The following TTLL5 variants were observed in gnomAD, a reference collection of about 807,000 sequenced individuals.
TTLL5 encodes tubulin polyglutamylase TTLL5.
A neutral mutation model predicts 168.4 loss-of-function variants in TTLL5; 132 were observed. That is an observed-to-expected ratio of 0.78 (90% CI 0.68 to 0.91). The LOEUF (loss-of-function observed/expected upper bound fraction) is 0.91, where lower values mean the gene tolerates loss of function less well. TTLL5 is among the 40% of genes least tolerant of loss of function. The pLI is 0.00. For missense variants in TTLL5, 1,545 were observed against 1,581.5 expected (o/e 0.98, Z 0.39); for synonymous variants, 546 against 558.6 (o/e 0.98, Z 0.32).
intron 9 of TTLL5, among the ~76,000 whole-genome samples, chr14:75,716,299 C>G (rs575539144): frequency 6.6e-6 from 1 of 152,312 alleles, no homozygotes; most frequent in Admixed American, 6.5e-5. Context: ...TCATCAAACT[C>G]TTGTCTTTTA....
At chr14:75,709,311 T>TA in intron 9 of TTLL5, 1 of 695,622 alleles carries the variant, frequency 1.4e-6, no homozygotes, top group South Asian at 1.5e-5. Context: ...TTTAGAGACT[T>TA]AGTTTTTTTC....
chr14:75,775,461 TCCCAC>T lies in TTLL5; in HGVS notation c.2137-22_2137-18del. On this transcript the variant is annotated intron_variant, in intron 21 of 31. Coordinates refer to ENST00000298832, the MANE Select transcript of TTLL5 (RefSeq NM_015072.5). ...TAGCACCATCCCTCCTTTTTTTTTC[TCCCAC>T]GACTCTTTAATTTATAGGAGCTGGT... 2 of 1,611,274 alleles carry T rather than the reference TCCCAC, an allele frequency of 1.2e-6. No individual in the cohort carries two copies. Among genetic ancestry groups the T allele is most frequent in the Admixed American group, 1.7e-5 (1 of 59,664 alleles).
intron 31 of TTLL5, among the ~76,000 whole-genome samples, chr14:75,948,442 G>T (rs1013340429): frequency 2.0e-4 from 30 of 151,732 alleles, no homozygotes; most frequent in Admixed American, 2.6e-4. Flanking sequence ...CCAAGACCGC[G>T]CCATTGCACT....
Position 75,882,798 on chromosome 14 carries a change from A to AAGTTCTTGCGCCTC in TTLL5, c.3636_3637insAGTTCTTGCGCCTC (p.Gln1213SerfsTer48). ...GTGGCCAGAAGCCAACCACTCTGCC[A>AAGTTCTTGCGCCTC]CAAAAAGTGGTACCACCTCCAAGTT... On this transcript the variant is annotated frameshift_variant, in exon 30 of 32. Coordinates refer to ENST00000298832, the MANE Select transcript of TTLL5 (RefSeq NM_015072.5). LOFTEE classifies it high-confidence loss of function. The AAGTTCTTGCGCCTC allele has an allele frequency of 6.2e-7, 1 of 1,614,126 alleles. No individual in the cohort carries two copies. Among genetic ancestry groups the AAGTTCTTGCGCCTC allele is most frequent in the Non-Finnish European group, 8.5e-7 (1 of 1,180,010 alleles).
intron 3 of TTLL5, among the ~76,000 whole-genome samples, chr14:75,671,305 T>G (rs930196960): frequency 6.6e-6 from 1 of 152,196 alleles, no homozygotes; most frequent in African/African-American, 2.4e-5. Flanking sequence ...TACCGTACCT[T>G]TGTATTAAGT....
intron 31 of TTLL5, among the ~76,000 whole-genome samples, chr14:75,918,347 T>C (rs1037556393): frequency 3.3e-5 from 5 of 152,318 alleles, no homozygotes; most frequent in Middle Eastern, 3.4e-3. Flanking sequence ...ATACATCTAC[T>C]GGTTTCAATC....
chr14:75,688,283 G>A (rs1885213038), intron 5 of TTLL5, among the ~76,000 whole-genome samples: 1 of 152,118 alleles, frequency 6.6e-6, no homozygotes, highest in Admixed American at 6.5e-5. Flanking sequence ...AATCAATTAT[G>A]CCTGTGTAAT....
chr14:75,681,195 G>A (rs1003421259), intron 3 of TTLL5, among the ~76,000 whole-genome samples: 2 of 152,046 alleles, frequency 1.3e-5, no homozygotes, highest in African/African-American at 4.8e-5. Context: ...TTGATATTTT[G>A]AGATATACTG....
At chr14:75,672,126 C>T (rs7156117) in intron 3 of TTLL5, among the ~76,000 whole-genome samples, 2,397 of 152,304 alleles carry the variant, frequency 0.016, 82 homozygotes, top group African/African-American at 0.054. Context: ...GATATTTCCC[C>T]CTTCAGCCTG....
At chr14:75,938,512 G>A (rs1432260958) in intron 31 of TTLL5, among the ~76,000 whole-genome samples, 3 of 152,160 alleles carry the variant, frequency 2.0e-5, no homozygotes, top group East Asian at 1.9e-4. Flanking sequence ...ATAAAATTTT[G>A]TTAAATTGAA....
At chr14:75,717,717 AT>A (rs1887565219) in intron 9 of TTLL5, 143 bp from the exon 10 acceptor site, 1 of 668,890 alleles carries the variant, frequency 1.5e-6, no homozygotes, top group African/African-American at 1.8e-5. Flanking sequence ...AACACTTAGA[AT>A]GGGAGTTAGC....
chr14:75,826,512 TG>T (rs2140427796), intron 28 of TTLL5, among the ~76,000 whole-genome samples: 1 of 152,188 alleles, frequency 6.6e-6, no homozygotes, highest in East Asian at 1.9e-4. Flanking sequence ...AATTATTTAC[TG>T]GTCAAATAAT....
chr14:75,798,974 A>G (rs1893138541), intron 27 of TTLL5, among the ~76,000 whole-genome samples: 1 of 152,162 alleles, frequency 6.6e-6, no homozygotes, highest in Non-Finnish European at 1.5e-5. Context: ...AATATCCGTT[A>G]ACTCCATTTG....
At chr14:75,873,268 G>T (rs996364483) in intron 29 of TTLL5, among the ~76,000 whole-genome samples, 1 of 152,014 alleles carries the variant, frequency 6.6e-6, no homozygotes, top group Non-Finnish European at 1.5e-5. Context: ...TAGAGACGGG[G>T]TTTCACCGTG....
At chr14:75,947,850 C>T (rs965376469) in intron 31 of TTLL5, among the ~76,000 whole-genome samples, 4 of 151,834 alleles carry the variant, frequency 2.6e-5, no homozygotes, top group African/African-American at 9.7e-5. Context: ...CTGGCGCATC[C>T]CCATGCTTGA....
intron 31 of TTLL5, among the ~76,000 whole-genome samples, chr14:75,935,334 A>G (rs967263628): frequency 1.3e-5 from 2 of 152,198 alleles, no homozygotes; most frequent in African/African-American, 4.8e-5. Flanking sequence ...AGCTCTAAGG[A>G]GCTGTCAATA....
At chr14:75,879,896 C>G (rs2031709680) in intron 29 of TTLL5, among the ~76,000 whole-genome samples, 1 of 152,218 alleles carries the variant, frequency 6.6e-6, no homozygotes, top group Admixed American at 6.5e-5. Flanking sequence ...TTGATTTGTA[C>G]TCACAGATAA....
At position 75,704,160 on chromosome 14, in the gene TTLL5, C is replaced by A. The variant is rs560660084; in HGVS notation, c.586-2858C>A. Among the ~76,000 whole-genome samples, 8 of 152,296 alleles carry A rather than the reference C, an allele frequency of 5.3e-5. No individual in the cohort carries two copies. In the South Asian group the frequency reaches 1.7e-3, roughly 32 times the overall value. ...GTAACTCAGGTCCAGATGATTCCAG[C>A]ATAGACACTCTTAACCACTATATCA... On this transcript the variant is annotated intron_variant, in intron 7 of 31. Transcript: ENST00000298832.
At chr14:75,665,766 C>T (rs1310092795) in intron 2 of TTLL5, among the ~76,000 whole-genome samples, 1 of 152,090 alleles carries the variant, frequency 6.6e-6, no homozygotes, top group East Asian at 1.9e-4. Flanking sequence ...GCAGGTGAAT[C>T]GCTTGAACCT....
Sources: allele counts gnomAD v4.1 joint callset (sites outside exome capture counted in the v4.1 genomes callset), GRCh38; gene constraint gnomAD v4.1.1; transcripts MANE v1.5; gene names NCBI Gene and HGNC (gene_info 2026-07-23, HGNC 2026-07-21).